VPS13B: variants seen among roughly 807,000 people sequenced by gnomAD.
VPS13B encodes vacuolar protein sorting 13 homolog B, also known as intermembrane lipid transfer protein VPS13B.
In VPS13B, 285 loss-of-function variants were observed where a neutral mutation model predicts 426.4. The observed-to-expected ratio is 0.67, with a 90% CI of 0.61 to 0.74. The LOEUF (loss-of-function observed/expected upper bound fraction) is 0.74, where lower values mean the gene tolerates loss of function less well. VPS13B is among the 30% of genes least tolerant of loss of function. The pLI is 0.00. For synonymous variants in VPS13B, 1,676 were observed against 1,676.4 expected (o/e 1.00, Z 0.01); for missense variants, 4,537 against 4,782.6 (o/e 0.95, Z 1.51).
chr8:99,428,823 A>T (rs1429839832), intron 21 of VPS13B, among the ~76,000 whole-genome samples: 2 of 152,180 alleles, frequency 1.3e-5, no homozygotes, highest in Non-Finnish European at 2.9e-5. Flanking sequence ...ATAAAGACAC[A>T]TGCACACGTA....
At position 99,233,732 on chromosome 8, in the gene VPS13B, C is replaced by T. The variant is rs561597322; in HGVS notation, c.2516-40466C>T. The T allele has an allele frequency of 2.9e-5, 23 of 781,850 alleles. No individual in the cohort carries two copies. In the South Asian group the frequency reaches 3.0e-4, roughly 10 times the overall value. 48.4% of individuals were successfully genotyped at this position (781,850 alleles called of 1,614,324 possible). On this transcript the variant is annotated intron_variant, in intron 17 of 61. Coordinates refer to ENST00000357162, the MANE Select transcript of VPS13B (RefSeq NM_152564.5). ...CAAGGATGAGATTGTTATCTTGGTC[C>T]CTGTTTCATGTTCATTTTTCTTCAC...
intron 35 of VPS13B, among the ~76,000 whole-genome samples, chr8:99,695,351 T>A (rs1831917528): frequency 6.7e-6 from 1 of 148,832 alleles, no homozygotes; most frequent in South Asian, 2.1e-4. Flanking sequence ...ATATACACCA[T>A]GGAATACTAT....
intron 3 of VPS13B, among the ~76,000 whole-genome samples, chr8:99,063,818 A>G (rs1844327914): frequency 6.6e-6 from 1 of 152,206 alleles, no homozygotes; most frequent in African/African-American, 2.4e-5. Flanking sequence ...ACCTCCCAGT[A>G]GGGGCCAACT....
chr8:99,046,316 GT>G (rs1843238837), intron 3 of VPS13B, among the ~76,000 whole-genome samples: 1 of 152,066 alleles, frequency 6.6e-6, no homozygotes, highest in Non-Finnish European at 1.5e-5. Flanking sequence ...TGTAAAAGGG[GT>G]TGAGTTCTTG....
intron 21 of VPS13B, among the ~76,000 whole-genome samples, chr8:99,408,930 A>T (rs903408303): frequency 6.6e-6 from 1 of 152,200 alleles, no homozygotes; most frequent in Non-Finnish European, 1.5e-5. Flanking sequence ...GGAAATGATC[A>T]ACTTTTTCAG....
At chr8:99,374,215 A>G (rs1203545194) in intron 19 of VPS13B, among the ~76,000 whole-genome samples, 2 of 150,126 alleles carry the variant, frequency 1.3e-5, no homozygotes, top group East Asian at 2.0e-4. Context: ...GTTTTCTGCT[A>G]TCTGATGATG....
intron 22 of VPS13B, among the ~76,000 whole-genome samples, chr8:99,433,692 T>C (rs1452760607): frequency 6.6e-6 from 1 of 152,180 alleles, no homozygotes; most frequent in African/African-American, 2.4e-5. Context: ...AAAGTATAAA[T>C]AGTTGTAAAA....
chr8:99,499,238 T>C (rs1038357692), intron 25 of VPS13B, among the ~76,000 whole-genome samples: 1 of 152,150 alleles, frequency 6.6e-6, no homozygotes, highest in African/African-American at 2.4e-5. Context: ...AGAAAATTAA[T>C]GCACAAACAT....
chr8:99,614,768 C>T (rs113151832), intron 33 of VPS13B, among the ~76,000 whole-genome samples: 6,100 of 151,868 alleles, frequency 0.04, 135 homozygotes, highest in East Asian at 0.06. Context: ...TTTTCTTATC[C>T]TGAAGCAATA....
In VPS13B at chr8:99,147,975, C is replaced by T. The variant is rs1334256561; in HGVS notation, c.1978C>T (p.Leu660=). 1.2e-6 allele frequency: 2 copies of T among 1,613,308 alleles called. No individual in the cohort carries two copies. The highest frequency in any genetic ancestry group is 3.3e-5 in the Admixed American group (2 of 59,966). ...CTISMAEFNL[L]DHLLPVIMGE... ...AATTTCCATGGCTGAATTCAACTTG[C>T]TGGACCATTTACTACCTGTCATTAT... is the stretch of plus-strand genomic sequence containing the variant. Residue 660 remains leucine (L), a synonymous_variant, in exon 14 of 62, where the codon CTG becomes TTG. Transcript: ENST00000357162.
chr8:99,029,201 C>G (rs1001826367), intron 2 of VPS13B, among the ~76,000 whole-genome samples: 3 of 150,564 alleles, frequency 2.0e-5, no homozygotes, highest in African/African-American at 7.4e-5. Context: ...AGAAACGCTC[C>G]TCACTTCCTA....
intron 35 of VPS13B, among the ~76,000 whole-genome samples, chr8:99,683,869 A>G (rs574561402): frequency 1.1e-4 from 17 of 152,266 alleles, no homozygotes; most frequent in African/African-American, 3.4e-4. Flanking sequence ...ATGATTTCCA[A>G]TACTATGTTG....
At chr8:99,865,623 G>A (rs1271095936) in intron 58 of VPS13B, among the ~76,000 whole-genome samples, 1 of 152,224 alleles carries the variant, frequency 6.6e-6, no homozygotes, top group African/African-American at 2.4e-5. Flanking sequence ...TATAGTCAGT[G>A]CGGAATTTAG....
intron 19 of VPS13B, among the ~76,000 whole-genome samples, chr8:99,292,850 T>A (rs1341392571): frequency 6.6e-6 from 1 of 152,188 alleles, no homozygotes; most frequent in East Asian, 1.9e-4. Context: ...TGGTTTATTT[T>A]GAATCAGAAC....
At chr8:99,841,632 T>C (rs73271394) in intron 54 of VPS13B, among the ~76,000 whole-genome samples, 15,959 of 152,182 alleles carry the variant, frequency 0.1, 1,718 homozygotes, top group African/African-American at 0.28. Context: ...GATTCAAACC[T>C]GGGACTGTGT....
At chr8:99,683,475 A>ATATGGTATGTG (rs1831241442) in intron 35 of VPS13B, among the ~76,000 whole-genome samples, 1 of 152,166 alleles carries the variant, frequency 6.6e-6, no homozygotes. Context: ...GAATTCATGA[A>ATATGGTATGTG]TATGGTATGT....
At chr8:99,156,118 T>A (rs1171373617) in intron 14 of VPS13B, among the ~76,000 whole-genome samples, 1 of 152,220 alleles carries the variant, frequency 6.6e-6, no homozygotes, top group Non-Finnish European at 1.5e-5. Flanking sequence ...TGAATGTTTT[T>A]GACATTGTGT....
Position 99,853,596 on chromosome 8 carries a change from G to T in VPS13B, c.10207G>T (p.Gly3403Cys). ...NIFLCVAPGA[G>C]PLPGEEPVAA... ...TTTTCTCTGTGTGGCCCCGGGAGCT[G>T]GTCCCCTCCCTGGGGAAGAGCCTGT... The change falls in exon 56 of 62, where the codon GGT (glycine) becomes TGT (cysteine). Residue 3403 changes from glycine (G) to cysteine (C), a missense_variant. Physicochemically the swap from Gly to Cys is radical, Grantham distance 159. This residue lies in a region of VPS13B where 4,311 missense variants were observed against 4,474.3 expected (regional missense o/e 0.96). Transcript: ENST00000357162. The T allele has an allele frequency of 6.2e-7, 1 of 1,614,186 alleles. No individual in the cohort carries two copies. Among genetic ancestry groups the T allele is most frequent in the Middle Eastern group, 1.6e-4 (1 of 6,062 alleles).
At chr8:99,239,861 G>A (rs1298099849) in intron 17 of VPS13B, among the ~76,000 whole-genome samples, 2 of 151,964 alleles carry the variant, frequency 1.3e-5, no homozygotes, top group Admixed American at 1.3e-4. Context: ...AATTATAAAG[G>A]TTTCACTCTT....
Sources: gnomAD v4.1 joint callset for allele counts (sites outside exome capture counted in the v4.1 genomes callset) on GRCh38, gnomAD v4.1.1 for gene constraint, gnomAD v4.1.1 regional missense constraint, MANE v1.5 for transcripts, NCBI Gene and HGNC (gene_info 2026-07-23, HGNC 2026-07-21) for gene names.